RYR2: variants seen among roughly 807,000 people sequenced by gnomAD.
RYR2 encodes the protein ryanodine receptor 2, also known as cardiac muscle ryanodine receptor-calcium release channel.
Under a neutral mutation model 601.1 loss-of-function variants are expected in RYR2, and 227 were observed. That is an observed-to-expected ratio of 0.38 (90% CI 0.34 to 0.42). The LOEUF (loss-of-function observed/expected upper bound fraction) is 0.42. Ranked by LOEUF, RYR2 falls within the 10% of genes least tolerant of loss-of-function variation. RYR2 has a pLI of 1.00. For missense variants in RYR2, 4,646 were observed against 6,156.5 expected, an observed-to-expected ratio of 0.75 and a Z score of 8.21; for synonymous variants, 2,223 against 2,175.1, an observed-to-expected ratio of 1.02 and a Z score of -0.61.
Position 237,648,570 on chromosome 1 carries a change from T to C in RYR2, c.7469T>C (p.Val2490Ala), listed in dbSNP as rs886041112. ...VQDFLLHLLEVGFLPDLRAAA... is the reference protein window; with the variant it reads ...VQDFLLHLLEAGFLPDLRAAA... ...GACTTCCTCCTCCATCTTCTTGAGG[T>C]TGGCTTTCTGCCAGATCTCCGGGCG... Residue 2490 changes from valine to alanine, a missense_variant, in exon 49 of 105, where the codon GTT becomes GCT. Transcript: ENST00000366574. 2 of 1,611,274 alleles carry C rather than the reference T, an allele frequency of 1.2e-6. No individual in the cohort carries two copies. Among genetic ancestry groups the C allele is most frequent in the Non-Finnish European group, 1.7e-6 (2 of 1,178,598 alleles).
chr1:237,561,038 C>T (rs1248837307), intron 27 of RYR2, among the ~76,000 whole-genome samples: 1 of 151,528 alleles, frequency 6.6e-6, no homozygotes, highest in Non-Finnish European at 1.5e-5. Flanking sequence ...CTAATAAGGG[C>T]AAGAAAGTAT....
chr1:237,506,817 A>C lies in RYR2; in HGVS notation c.2718+3A>C. 6.2e-7 allele frequency: 1 copy of C among 1,609,906 alleles called. No individual in the cohort carries two copies. The highest frequency in any genetic ancestry group is 8.5e-7 in the Non-Finnish European group (1 of 1,176,394). Reference sequence around the variant, plus strand: ...AGCTTGGCTGGCAGTATGGTCCGGTATGTAATTTTGAAATTTATTTTCAGA... The same window carrying C: ...AGCTTGGCTGGCAGTATGGTCCGGTCTGTAATTTTGAAATTTATTTTCAGA... On this transcript the variant is annotated splice_donor_region_variant and intron_variant, in intron 23 of 104. Transcript: ENST00000366574.
intron 2 of RYR2, among the ~76,000 whole-genome samples, chr1:237,327,624 C>T (rs934114503): frequency 9.2e-5 from 14 of 152,168 alleles, no homozygotes; most frequent in African/African-American, 1.2e-4. Context: ...ACTATTTGTG[C>T]GAAGTAGAAT....
chr1:237,297,684 AAT>A (rs1234631808), intron 2 of RYR2, among the ~76,000 whole-genome samples: 1 of 151,734 alleles, frequency 6.6e-6, no homozygotes, highest in African/African-American at 2.4e-5. Flanking sequence ...GAGTATTCCT[AAT>A]ATATTGGGAG....
chr1:237,476,261 G>A (rs977353610), intron 17 of RYR2, among the ~76,000 whole-genome samples: 2 of 152,130 alleles, frequency 1.3e-5, no homozygotes, highest in African/African-American at 4.8e-5. Context: ...TGTAATCCCA[G>A]CACTTTGGGA....
chr1:237,774,550 T>G (rs1254736623), intron 87 of RYR2, among the ~76,000 whole-genome samples: 1 of 152,148 alleles, frequency 6.6e-6, no homozygotes, highest in African/African-American at 2.4e-5. Flanking sequence ...TTTTTTGCCT[T>G]GGTGGGGAAG....
rs1387383159 is a variant in RYR2, at chr1:237,654,533, G to T, written c.7965+119G>T. On this transcript the variant is annotated intron_variant, in intron 52 of 104. Coordinates refer to ENST00000366574, the MANE Select transcript of RYR2 (RefSeq NM_001035.3). ...TTGCTAACCAAGACACGTATGGCTTGATTTTTTCTCTTTTCTCAACTTCAT... is the reference window on the plus strand; with the variant it reads ...TTGCTAACCAAGACACGTATGGCTTTATTTTTTCTCTTTTCTCAACTTCAT... 2.4e-5 allele frequency: 23 copies of T among 947,686 alleles called. 1 individual carries two copies. The South Asian group carries it at 2.6e-4, about 11-fold the overall frequency. 58.7% of individuals were successfully genotyped at this position (947,686 alleles called of 1,614,324 possible).
At chr1:237,598,307 A>G (rs1676108713) in intron 34 of RYR2, among the ~76,000 whole-genome samples, 1 of 152,216 alleles carries the variant, frequency 6.6e-6, no homozygotes, top group Non-Finnish European at 1.5e-5. Context: ...TCTAGACCAA[A>G]GGGACATACT....
intron 51 of RYR2, among the ~76,000 whole-genome samples, chr1:237,652,018 A>G (rs611219): frequency 0.27 from 41,040 of 152,068 alleles, 6,082 homozygotes; most frequent in East Asian, 0.54. Flanking sequence ...CCTGGGTGAC[A>G]GAGCGAGACT....
At chr1:237,482,974 T>C (rs1289171829) in intron 17 of RYR2, among the ~76,000 whole-genome samples, 1 of 152,180 alleles carries the variant, frequency 6.6e-6, no homozygotes, top group Admixed American at 6.5e-5. Flanking sequence ...TTGACTCAGC[T>C]CTCCTGTAAT....
chr1:237,348,826 A>G (rs1328087598), intron 3 of RYR2, among the ~76,000 whole-genome samples: 2 of 152,208 alleles, frequency 1.3e-5, no homozygotes, highest in Non-Finnish European at 2.9e-5. Flanking sequence ...CTACAATGAA[A>G]AAAATCAAAT....
At chr1:237,577,553 AG>A (rs1673401788) in intron 29 of RYR2, among the ~76,000 whole-genome samples, 2 of 15,616 alleles carry the variant, frequency 1.3e-4, no homozygotes, top group Non-Finnish European at 2.9e-4. Context: ...TGTGTGTTTG[AG>A]AGAGAGAGAG....
intron 10 of RYR2, among the ~76,000 whole-genome samples, chr1:237,412,668 T>C (rs1400830052): frequency 6.6e-6 from 1 of 152,186 alleles, no homozygotes; most frequent in African/African-American, 2.4e-5. Flanking sequence ...GCATGAGCTC[T>C]TTTGTATTTT....
chr1:237,587,454 T>C (rs530669256), intron 29 of RYR2, among the ~76,000 whole-genome samples: 2 of 152,182 alleles, frequency 1.3e-5, no homozygotes, highest in Non-Finnish European at 1.5e-5. Flanking sequence ...AGAACAAAAT[T>C]ACCAGGAATT....
chr1:237,730,151 T>A, intron 76 of RYR2, 109 bp from the exon 77 acceptor site: 1 of 656,550 alleles, frequency 1.5e-6, no homozygotes. Context: ...AGAATTTATT[T>A]CTATTTTACA....
At chr1:237,355,891 T>C in intron 3 of RYR2, 74 bp from the exon 4 acceptor site, 1 of 1,331,596 alleles carries the variant, frequency 7.5e-7, no homozygotes, top group Non-Finnish European at 1.1e-6. Flanking sequence ...TATCAATTCA[T>C]TTAAATGACA....
chr1:237,064,751 C>CTTTTTTTTTTTTTTTTTTTTTTTTTT (rs551797601), intron 1 of RYR2, among the ~76,000 whole-genome samples: 1 of 110,010 alleles, frequency 9.1e-6, no homozygotes, highest in African/African-American at 4.0e-5. Flanking sequence ...TAGAACCTGT[C>CTTTTTTTTTTTTTTTTTTTTTTTTTT]TTTTTTTTTT....
At chr1:237,472,653 T>G (rs561721297) in intron 17 of RYR2, among the ~76,000 whole-genome samples, 1 of 150,218 alleles carries the variant, frequency 6.7e-6, no homozygotes, top group East Asian at 2.0e-4. Context: ...GAAAATTCAT[T>G]TTTAGAATGT....
chr1:237,107,843 A>G (rs912340882), intron 1 of RYR2, among the ~76,000 whole-genome samples: 2 of 152,196 alleles, frequency 1.3e-5, no homozygotes, highest in Non-Finnish European at 2.9e-5. Flanking sequence ...CCTCCCCTGC[A>G]CAGGCTGGGC....
Sources: allele counts gnomAD v4.1 joint callset (sites outside exome capture counted in the v4.1 genomes callset), GRCh38; gene constraint gnomAD v4.1.1; transcripts MANE v1.5; gene names NCBI Gene and HGNC (gene_info 2026-07-23, HGNC 2026-07-21).